DNAL1: variants seen among roughly 807,000 people sequenced by gnomAD.
DNAL1 encodes chromosome 14 open reading frame 168.
In DNAL1, 17 loss-of-function variants were observed where a neutral mutation model predicts 29.4. That is an observed-to-expected ratio of 0.58 (90% CI 0.40 to 0.87). The LOEUF is 0.87. Ranked by LOEUF, DNAL1 falls within the 40% of genes least tolerant of loss-of-function variation. DNAL1 has a pLI of 0.00. For synonymous variants in DNAL1, 78 were observed against 76.3 expected (o/e 1.02, Z -0.12); for missense variants, 188 against 214.1 (o/e 0.88, Z 0.76).
chr14:73,654,887 T>C lies in DNAL1; in HGVS notation c.42+2T>C. ...ATCAAAGAAGCCTTAGCGAGATGGG[T>C]GAGTACATGAGTTTTTCCTTCTTTT... On this transcript the variant is annotated splice_donor_variant, in intron 2 of 7. Transcript: ENST00000553645. LOFTEE classifies it high-confidence loss of function. 6.5e-7 allele frequency: 1 copy of C among 1,542,746 alleles called. No individual in the cohort carries two copies. The highest frequency in any genetic ancestry group is 1.4e-5 in the African/African-American group (1 of 72,296).
chr14:73,681,635 T>A (rs867008065), intron 5 of DNAL1, among the ~76,000 whole-genome samples: 134 of 55,992 alleles, frequency 2.4e-3, no homozygotes, highest in Non-Finnish European at 4.4e-3. Flanking sequence ...AAAAAAAAAA[T>A]ATATATATAT....
At position 73,654,904 on chromosome 14, in the gene DNAL1, C is replaced by A; in HGVS notation, c.42+19C>A. On this transcript the variant is annotated intron_variant, in intron 2 of 7. Transcript: ENST00000553645. ...GAGATGGGTGAGTACATGAGTTTTTCCTTCTTTTAGAAACTGTACAAGGAA... is the reference window on the plus strand; with the variant it reads ...GAGATGGGTGAGTACATGAGTTTTTACTTCTTTTAGAAACTGTACAAGGAA... The A allele has an allele frequency of 6.5e-7, 1 of 1,541,162 alleles. No individual in the cohort carries two copies. The highest frequency in any genetic ancestry group is 8.7e-7 in the Non-Finnish European group (1 of 1,143,586).
At chr14:73,682,171 C>CT (rs755777316) in intron 5 of DNAL1, among the ~76,000 whole-genome samples, 9,769 of 129,538 alleles carry the variant, frequency 0.075, 1,222 homozygotes, top group African/African-American at 0.25. Flanking sequence ...CTTACTGTAA[C>CT]TTTTTTTTTT....
chr14:73,688,217 G>C (rs764768909), intron 6 of DNAL1, among the ~76,000 whole-genome samples: 10 of 152,130 alleles, frequency 6.6e-5, no homozygotes, highest in Non-Finnish European at 1.2e-4. Context: ...AACTATACCA[G>C]TCTCTTTGGA....
At chr14:73,679,324 T>C (rs1028712973) in intron 5 of DNAL1, among the ~76,000 whole-genome samples, 1 of 152,206 alleles carries the variant, frequency 6.6e-6, no homozygotes, top group Non-Finnish European at 1.5e-5. Context: ...TGTTGGTTTT[T>C]TTAAATCTTG....
intron 5 of DNAL1, among the ~76,000 whole-genome samples, chr14:73,676,257 T>A (rs913707010): frequency 2.6e-5 from 4 of 151,836 alleles, no homozygotes; most frequent in African/African-American, 7.3e-5. Flanking sequence ...ATTTTTTTTT[T>A]AATTCTATAA....
Position 73,655,535 on chromosome 14 carries a change from T to C in DNAL1, c.42+650T>C, listed in dbSNP as rs188434160. ...ATTTTTTTTGTATTTTTAGTAGAGA[T>C]GGTGTTTCATCGTGTTGGTCAGGCT... On this transcript the variant is annotated intron_variant, in intron 2 of 7. Coordinates refer to ENST00000553645, the MANE Select transcript of DNAL1 (RefSeq NM_031427.4). Among the ~76,000 whole-genome samples the C allele has an allele frequency of 5.4e-3, 822 of 151,916 alleles. 8 individuals carry two copies. Among genetic ancestry groups the C allele is most frequent in the African/African-American group, 0.019 (791 of 41,440 alleles).
chr14:73,661,965 T>C, intron 3 of DNAL1, 22 bp from the exon 4 acceptor site: 1 of 1,523,200 alleles, frequency 6.6e-7, no homozygotes, highest in East Asian at 2.5e-5. Context: ...TCACATTAAA[T>C]TTTTTCTTTG....
chr14:73,656,599 C>G (rs1891220942), intron 2 of DNAL1, among the ~76,000 whole-genome samples: 1 of 151,860 alleles, frequency 6.6e-6, no homozygotes, highest in African/African-American at 2.4e-5. Context: ...GTTGTTGTTG[C>G]TGTTGTTGTA....
chr14:73,658,784 T>G, intron 2 of DNAL1, 63 bp from the exon 3 acceptor site: 2 of 1,228,952 alleles, frequency 1.6e-6, no homozygotes, highest in Non-Finnish European at 1.2e-6. Context: ...TAGGAAATTC[T>G]GGCCTCTTTT....
Position 73,699,591 on chromosome 14 carries a change from A to T in DNAL1, c.*3649A>T, listed in dbSNP as rs1162818612. ...AGTGCTGGGATTACAGACGTGAGCC[A>T]CTGCGACTGGCTTAATGCTCATTTT... On this transcript the variant is annotated 3_prime_UTR_variant, in exon 8 of 8. Coordinates refer to ENST00000553645, the MANE Select transcript of DNAL1 (RefSeq NM_031427.4). 6.6e-6 allele frequency: 1 copy of T among 152,222 alleles called. No homozygotes were observed. 9.4% of individuals were successfully genotyped at this position (152,222 alleles called of 1,614,324 possible). A position where few individuals can be genotyped will look rare whatever the true frequency, so the allele number is the denominator to read the frequency against.
At chr14:73,659,226 A>T (rs918498937) in intron 3 of DNAL1, among the ~76,000 whole-genome samples, 1 of 148,990 alleles carries the variant, frequency 6.7e-6, no homozygotes, top group Non-Finnish European at 1.5e-5. Context: ...CAATGGCATG[A>T]TCTCGGCTCA....
chr14:73,683,856 C>T (rs1891951467), intron 5 of DNAL1, among the ~76,000 whole-genome samples: 2 of 151,964 alleles, frequency 1.3e-5, no homozygotes, highest in African/African-American at 4.8e-5. Flanking sequence ...TACAGGTGCC[C>T]ACCACCACAC....
rs775756616 is a variant in DNAL1, at chr14:73,645,003, C to G, written c.-37C>G. 6.2e-7 allele frequency: 1 copy of G among 1,607,320 alleles called. No homozygotes were observed. The highest frequency in any genetic ancestry group is 8.5e-7 in the Non-Finnish European group (1 of 1,177,398). On this transcript the variant is annotated 5_prime_UTR_variant, in exon 1 of 8. Transcript: ENST00000553645. ...GCGCACGCGCACTGACCCCGCGGGC[C>G]CTAGCAACCAGAGCAGTGACAGTAG... is the stretch of plus-strand genomic sequence containing the variant.
intron 7 of DNAL1, among the ~76,000 whole-genome samples, 164 bp downstream of exon 7, chr14:73,689,679 A>G (rs976507437): frequency 7.2e-5 from 11 of 152,330 alleles, no homozygotes; most frequent in Middle Eastern, 3.4e-3. Context: ...CCAAGGTGAG[A>G]TGAAAAACTG....
Position 73,702,074 on chromosome 14 carries a change from GT to G in DNAL1, c.*6133del, listed in dbSNP as rs1892448575. ...TTGGATAACATGTACCATGCAGTTT[GT>G]GTGGTGTGTGTGTGTGTGTGTGTGT... is the stretch of plus-strand genomic sequence containing the variant. On this transcript the variant is annotated 3_prime_UTR_variant, in exon 8 of 8. Coordinates refer to ENST00000553645, the MANE Select transcript of DNAL1 (RefSeq NM_031427.4). 1 of 114,610 alleles carries G rather than the reference GT, an allele frequency of 8.7e-6. No homozygotes were observed. The highest frequency in any genetic ancestry group is 3.2e-5 in the African/African-American group (1 of 31,638). The allele number at this position is 114,610 out of a possible 1,614,324, so 7.1% of individuals were successfully genotyped here. A position where few individuals can be genotyped will look rare whatever the true frequency, so the allele number is the denominator to read the frequency against.
Position 73,689,535 on chromosome 14 carries a change from C to T in DNAL1, c.532+20C>T. On this transcript the variant is annotated intron_variant, in intron 7 of 7. Coordinates refer to ENST00000553645, the MANE Select transcript of DNAL1 (RefSeq NM_031427.4). The stretch of plus-strand genomic sequence containing the variant: ...TGGATGGTGAGTGATTCTGAGCTGG[C>T]TTAGACATATCTTCTAGGCATAAAA... The T allele has an allele frequency of 6.3e-7, 1 of 1,583,718 alleles. No homozygotes were observed. Among genetic ancestry groups the T allele is most frequent in the South Asian group, 1.2e-5 (1 of 86,204 alleles).
intron 4 of DNAL1, 117 bp downstream of exon 4, chr14:73,662,159 A>G: frequency 5.0e-6 from 4 of 799,910 alleles, no homozygotes; most frequent in Non-Finnish European, 8.1e-6. Context: ...TTGTTGTCAG[A>G]TAATAGAATA....
chr14:73,655,346 CTTTTTTTTT>C (rs780510214), intron 2 of DNAL1, among the ~76,000 whole-genome samples: 1 of 139,194 alleles, frequency 7.2e-6, no homozygotes, highest in African/African-American at 2.6e-5. Context: ...TTTTTCTTTT[CTTTTTTTTT>C]TTTTTTGAGA....
Sources: allele counts gnomAD v4.1 joint callset (sites outside exome capture counted in the v4.1 genomes callset), GRCh38; gene constraint gnomAD v4.1.1; transcripts MANE v1.5; gene names NCBI Gene and HGNC (gene_info 2026-07-23, HGNC 2026-07-21).